TNFAIP8L3: variants seen among roughly 807,000 people sequenced by gnomAD.
The protein encoded by TNFAIP8L3 is TNF alpha induced protein 8 like 3.
In TNFAIP8L3, 7 loss-of-function variants were observed where a neutral mutation model predicts 11.8. That is an observed-to-expected ratio of 0.59 (90% CI 0.34 to 1.11). The LOEUF (loss-of-function observed/expected upper bound fraction) is 1.11, where lower values mean the gene tolerates loss of function less well. Among genes scored for constraint, TNFAIP8L3 ranks in the 50% most tolerant of loss-of-function variants. The probability of loss-of-function intolerance (pLI) is 0.03; values close to 1 mark genes in which losing one functional copy is unlikely to be tolerated. For missense variants in TNFAIP8L3, 219 were observed against 258.6 expected (o/e 0.85, Z 1.05); for synonymous variants, 98 against 103.8 (o/e 0.94, Z 0.34).
chr15:51,072,487 T>C (rs2065316505), intron 1 of TNFAIP8L3, among the ~76,000 whole-genome samples: 1 of 152,304 alleles, frequency 6.6e-6, no homozygotes, highest in African/African-American at 2.4e-5. Flanking sequence ...TTTTCCTTGA[T>C]GGTTGGTGGT....
At chr15:51,061,682 C>T (rs930008989) in intron 1 of TNFAIP8L3, among the ~76,000 whole-genome samples, 1 of 151,964 alleles carries the variant, frequency 6.6e-6, no homozygotes, top group African/African-American at 2.4e-5. Flanking sequence ...CCAAAGGATG[C>T]ATATGAATTT....
chr15:51,084,296 A>G (rs867987791), intron 1 of TNFAIP8L3, among the ~76,000 whole-genome samples: 10 of 152,210 alleles, frequency 6.6e-5, no homozygotes, highest in African/African-American at 1.9e-4. Context: ...ACATTTCCCT[A>G]TATCATCAAA....
intron 1 of TNFAIP8L3, among the ~76,000 whole-genome samples, chr15:51,083,410 C>T (rs1261027147): frequency 6.6e-6 from 1 of 152,064 alleles, no homozygotes; most frequent in African/African-American, 2.4e-5. Flanking sequence ...AATAAAAACA[C>T]AAAATTAGTA....
intron 1 of TNFAIP8L3, among the ~76,000 whole-genome samples, chr15:51,102,553 A>ACAC (rs2140987566): frequency 6.6e-6 from 1 of 152,318 alleles, no homozygotes; most frequent in Non-Finnish European, 1.5e-5. Context: ...CATAACATCT[A>ACAC]CACCCAGTCG....
chr15:51,079,163 G>A (rs1451214720), intron 1 of TNFAIP8L3, among the ~76,000 whole-genome samples: 1 of 152,236 alleles, frequency 6.6e-6, no homozygotes, highest in Non-Finnish European at 1.5e-5. Context: ...GGTCTCACCT[G>A]CACCAGGCCT....
intron 1 of TNFAIP8L3, among the ~76,000 whole-genome samples, chr15:51,102,182 T>C (rs1447293223): frequency 2.6e-5 from 4 of 151,742 alleles, no homozygotes; most frequent in African/African-American, 9.7e-5. Flanking sequence ...GTCCTGGGAG[T>C]GGCAGAGCTG....
chr15:51,102,912 G>T (rs2065564511), intron 1 of TNFAIP8L3, among the ~76,000 whole-genome samples: 1 of 152,046 alleles, frequency 6.6e-6, no homozygotes, highest in Non-Finnish European at 1.5e-5. Context: ...ATATACATCT[G>T]GAGTGGAATT....
upstream of TNFAIP8L3, among the ~76,000 whole-genome samples, chr15:51,099,386 G>A (rs2065534597): frequency 6.6e-6 from 1 of 152,104 alleles, no homozygotes; most frequent in South Asian, 2.1e-4. Context: ...TTTCTTGGTG[G>A]TTAATGCAAT....
rs1203672058 is a variant in TNFAIP8L3, at chr15:51,091,147, C to T, written c.52+3397G>A. Among the ~76,000 whole-genome samples the T allele has an allele frequency of 2.0e-5, 3 of 152,164 alleles. No homozygotes were observed. In the South Asian group the frequency reaches 6.2e-4, roughly 32 times the overall value. ...AAAGATCCATAAAATGACAGAAAGG[C>T]AGAGGAGAATGCAGGCAGCACAATG... is the stretch of plus-strand genomic sequence containing the variant. On this transcript the variant is annotated intron_variant, in intron 1 of 1. Transcript: ENST00000637513.
intron 1 of TNFAIP8L3, among the ~76,000 whole-genome samples, chr15:51,071,268 T>C (rs970996936): frequency 4.6e-5 from 7 of 152,228 alleles, no homozygotes; most frequent in African/African-American, 1.7e-4. Flanking sequence ...AAATAGAACA[T>C]AATTTAACAA....
At chr15:51,098,947 A>G (rs892456787), upstream of TNFAIP8L3, among the ~76,000 whole-genome samples, 6 of 152,216 alleles carry the variant, frequency 3.9e-5, no homozygotes, top group African/African-American at 1.4e-4. Flanking sequence ...AATAGCATCA[A>G]TCAATATCCT....
intron 1 of TNFAIP8L3, among the ~76,000 whole-genome samples, chr15:51,068,591 CAG>C (rs1331796145): frequency 6.6e-6 from 1 of 151,666 alleles, no homozygotes; most frequent in African/African-American, 2.4e-5. Flanking sequence ...TCACTTTAGT[CAG>C]AGCCACACTG....
intron 1 of TNFAIP8L3, among the ~76,000 whole-genome samples, chr15:51,084,092 G>T (rs1458052706): frequency 6.6e-6 from 1 of 152,168 alleles, no homozygotes; most frequent in Non-Finnish European, 1.5e-5. Flanking sequence ...TATTTTGCTC[G>T]AGCATTAACA....
At position 51,074,964 on chromosome 15, in the gene TNFAIP8L3, C is replaced by T. The variant is rs184475287; in HGVS notation, c.53-16521G>A. Among the ~76,000 whole-genome samples the T allele has an allele frequency of 1.2e-4, 19 of 152,302 alleles. 1 individual carries two copies. The South Asian group carries it at 2.9e-3, about 23-fold the overall frequency. On this transcript the variant is annotated intron_variant, in intron 1 of 1. Transcript: ENST00000637513. Reference sequence around the variant, plus strand: ...CGACTGGCCATCTACTTTCCGCATCCGGTGCTGAGTTCTTAGGGATTGATG... The same window carrying T: ...CGACTGGCCATCTACTTTCCGCATCTGGTGCTGAGTTCTTAGGGATTGATG...
At chr15:51,075,570 G>C (rs896122041) in intron 1 of TNFAIP8L3, among the ~76,000 whole-genome samples, 2 of 152,158 alleles carry the variant, frequency 1.3e-5, no homozygotes, top group African/African-American at 4.8e-5. Context: ...AGGCACCCAA[G>C]AACTCAGGCT....
chr15:51,099,694 TG>T (rs1820447180), upstream of TNFAIP8L3, among the ~76,000 whole-genome samples: 1 of 152,210 alleles, frequency 6.6e-6, no homozygotes, highest in African/African-American at 2.4e-5. Flanking sequence ...AGCTTGTATG[TG>T]GGTACCCTAA....
intron 1 of TNFAIP8L3, among the ~76,000 whole-genome samples, chr15:51,087,386 C>T (rs1254819215): frequency 6.6e-6 from 1 of 152,210 alleles, no homozygotes. Flanking sequence ...CCCACAGGCT[C>T]CAAATCAGGA....
At chr15:51,069,097 C>G (rs2065291292) in intron 1 of TNFAIP8L3, among the ~76,000 whole-genome samples, 1 of 152,172 alleles carries the variant, frequency 6.6e-6, no homozygotes, top group African/African-American at 2.4e-5. Context: ...CAACCAAATG[C>G]AGAACAGGGG....
chr15:51,076,402 G>A (rs1239895316), intron 1 of TNFAIP8L3, among the ~76,000 whole-genome samples: 1 of 152,138 alleles, frequency 6.6e-6, no homozygotes, highest in African/African-American at 2.4e-5. Flanking sequence ...TAGCTGTGGA[G>A]GCTTAACTTC....
Sources: gnomAD v4.1 joint callset for allele counts (sites outside exome capture counted in the v4.1 genomes callset) on GRCh38, gnomAD v4.1.1 for gene constraint, MANE v1.5 for transcripts, NCBI Gene and HGNC (gene_info 2026-07-23, HGNC 2026-07-21) for gene names.